EPHX1: variants seen among roughly 807,000 people sequenced by gnomAD.
EPHX1 encodes the protein epoxide hydrolase 1.
In EPHX1, 40 loss-of-function variants were observed where a neutral mutation model predicts 43.2. The observed-to-expected ratio is 0.93, with a 90% CI of 0.72 to 1.21. The LOEUF (loss-of-function observed/expected upper bound fraction) is 1.21. Ranked by LOEUF, EPHX1 falls within the 50% of genes most tolerant of loss-of-function variation. The pLI, the probability that EPHX1 is intolerant of heterozygous loss-of-function variation, is 0.00. For missense variants in EPHX1, 550 were observed against 570.4 expected, an observed-to-expected ratio of 0.96 and a Z score of 0.36; for synonymous variants, 221 against 226.7, an observed-to-expected ratio of 0.98 and a Z score of 0.22.
chr1:225,819,599 T>A lies in EPHX1; in HGVS notation c.-5-9126T>A, dbSNP rs536940426. ...GAACTTACTGATATCTGTGGCGGAG[T>A]GAAGGAGAGGGGTTTCAAGGACGTT... On this transcript the variant is annotated intron_variant, in intron 1 of 8. Transcript: ENST00000272167. 4.6e-5 allele frequency among the ~76,000 whole-genome samples: 7 copies of A among 151,476 alleles called. No homozygotes were observed. In the South Asian group the frequency reaches 1.5e-3, roughly 32 times the overall value.
chr1:225,840,706 G>A (rs995651714), intron 6 of EPHX1, among the ~76,000 whole-genome samples: 8 of 152,140 alleles, frequency 5.3e-5, no homozygotes, highest in Non-Finnish European at 1.0e-4. Flanking sequence ...TCACAGAACT[G>A]TAAAATAGCT....
intron 2 of EPHX1, among the ~76,000 whole-genome samples, chr1:225,831,002 T>C (rs1017190978): frequency 6.6e-6 from 1 of 152,188 alleles, no homozygotes; most frequent in Non-Finnish European, 1.5e-5. Flanking sequence ...TAAATTTTTA[T>C]TGGAACACAG....
intron 3 of EPHX1, among the ~76,000 whole-genome samples, chr1:225,832,964 C>T (rs973152934): frequency 1.3e-5 from 2 of 152,004 alleles, no homozygotes; most frequent in African/African-American, 4.8e-5. Flanking sequence ...ATGTTTTCTC[C>T]CACTCTGTGG....
intron 2 of EPHX1, among the ~76,000 whole-genome samples, chr1:225,829,902 C>T (rs998032186): frequency 2.0e-5 from 3 of 151,894 alleles, no homozygotes; most frequent in African/African-American, 2.4e-5. Context: ...CGTGAAACCC[C>T]GTCTCTACTA....
At chr1:225,827,954 C>T (rs1667337713) in intron 1 of EPHX1, among the ~76,000 whole-genome samples, 1 of 152,168 alleles carries the variant, frequency 6.6e-6, no homozygotes. Context: ...CCAAGAAGGA[C>T]AGAGCAGGGG....
At chr1:225,844,406 C>T (rs755244134) in intron 7 of EPHX1, 92 bp from the exon 8 acceptor site, 328 of 1,600,504 alleles carry the variant, frequency 2.0e-4, no homozygotes, top group Admixed American at 2.5e-4. Flanking sequence ...GCCGCATGGG[C>T]AGGGCCTGGC....
intron 1 of EPHX1, among the ~76,000 whole-genome samples, chr1:225,826,545 G>A (rs1667252131): frequency 6.7e-6 from 1 of 148,604 alleles, no homozygotes; most frequent in African/African-American, 2.4e-5. Context: ...CAGGGATAGC[G>A]AAGGCCTGCC....
rs920893845 is a variant in EPHX1, at chr1:225,817,257, T to G, written c.-6+7088T>G. Reference sequence around the variant, plus strand: ...GAGTTCCCCCCAGGGTTTGCCTCCGTCACTCTTGGGCCAGCCAAGGGAGTG... The same window carrying G: ...GAGTTCCCCCCAGGGTTTGCCTCCGGCACTCTTGGGCCAGCCAAGGGAGTG... On this transcript the variant is annotated intron_variant, in intron 1 of 8. Coordinates refer to ENST00000272167, the MANE Select transcript of EPHX1 (RefSeq NM_001136018.4). The surrounding 1 kb of genome is among the most constrained non-coding windows in gnomAD (Gnocchi z 5.7). 5.3e-5 allele frequency among the ~76,000 whole-genome samples: 8 copies of G among 152,152 alleles called. No individual in the cohort carries two copies. The highest frequency in any genetic ancestry group is 1.9e-4 in the African/African-American group (8 of 41,448).
At chr1:225,832,495 A>G (rs2102730720) in intron 3 of EPHX1, among the ~76,000 whole-genome samples, 1 of 152,402 alleles carries the variant, frequency 6.6e-6, no homozygotes, top group East Asian at 1.9e-4. Flanking sequence ...AGATCGCGCC[A>G]CTGCACTCCA....
intron 6 of EPHX1, among the ~76,000 whole-genome samples, chr1:225,841,845 C>T (rs958871659): frequency 1.1e-4 from 17 of 152,216 alleles, no homozygotes; most frequent in African/African-American, 4.1e-4. Flanking sequence ...CGCAGGTGAT[C>T]CACCTTTCTC....
chr1:225,815,563 A>G (rs971540758), intron 1 of EPHX1, among the ~76,000 whole-genome samples: 1 of 152,116 alleles, frequency 6.6e-6, no homozygotes, highest in South Asian at 2.1e-4. Context: ...GAGATGGAAC[A>G]TCTTAATTTC....
At chr1:225,819,829 T>C (rs1456369947) in intron 1 of EPHX1, among the ~76,000 whole-genome samples, 2 of 152,212 alleles carry the variant, frequency 1.3e-5, no homozygotes, top group Non-Finnish European at 2.9e-5. Flanking sequence ...TTAATCACTC[T>C]GTCATACTTA....
At chr1:225,839,401 G>GTGTC (rs762355068) in intron 5 of EPHX1, 55 bp downstream of exon 5, 37 of 1,582,908 alleles carry the variant, frequency 2.3e-5, no homozygotes, top group African/African-American at 4.1e-5. Flanking sequence ...GTGTGTGTGT[G>GTGTC]TCCTCTAAGA....
chr1:225,823,344 T>C (rs1667069110), intron 1 of EPHX1, among the ~76,000 whole-genome samples: 1 of 152,210 alleles, frequency 6.6e-6, no homozygotes, highest in South Asian at 2.1e-4. Flanking sequence ...GCCCTCGTAT[T>C]GTAACCTCCA....
intron 6 of EPHX1, among the ~76,000 whole-genome samples, chr1:225,841,601 CTTTT>C (rs35827447): frequency 1.9e-5 from 2 of 104,416 alleles, no homozygotes; most frequent in Non-Finnish European, 3.8e-5. Context: ...CTGTCCCAGC[CTTTT>C]TTTTTTTTTT....
chr1:225,845,064 C>T, intron 8 of EPHX1, 82 bp from the exon 9 acceptor site: 3 of 1,467,534 alleles, frequency 2.0e-6, no homozygotes, highest in Non-Finnish European at 2.9e-6. Flanking sequence ...ATCTCACCCC[C>T]AGGCGCTTTA....
chr1:225,829,365 TC>T (rs1452435776), intron 2 of EPHX1, among the ~76,000 whole-genome samples: 3 of 152,158 alleles, frequency 2.0e-5, no homozygotes, highest in Non-Finnish European at 4.4e-5. Flanking sequence ...CCTACGGTGA[TC>T]CCGCGGGGTG....
In EPHX1 at chr1:225,832,031, C is replaced by T. The variant is rs373523374; in HGVS notation, c.364+72C>T. The T allele has an allele frequency of 6.0e-5, 90 of 1,511,956 alleles. No homozygotes were observed. The African/African-American group carries it at 7.6e-4, about 13-fold the overall frequency. 93.7% of individuals were successfully genotyped at this position (1,511,956 alleles called of 1,614,324 possible). On this transcript the variant is annotated intron_variant, in intron 3 of 8. Transcript: ENST00000272167. ...CAGCCTTCTTCCACAATGTGACTTA[C>T]AGTCAGATAAAGTTGGAGAGATTCA...
intron 1 of EPHX1, among the ~76,000 whole-genome samples, chr1:225,822,514 C>G (rs148431887): frequency 6.6e-6 from 1 of 152,282 alleles, no homozygotes; most frequent in East Asian, 1.9e-4. Flanking sequence ...CAAAATAAAG[C>G]AGGCACTCTC....
Sources: allele counts gnomAD v4.1 joint callset (sites outside exome capture counted in the v4.1 genomes callset), GRCh38; gene constraint gnomAD v4.1.1; non-coding constraint Gnocchi (gnomAD v3.1); transcripts MANE v1.5; gene names NCBI Gene and HGNC (gene_info 2026-07-23, HGNC 2026-07-21).